Variants in PSMD1 observed in about 807,000 individuals in gnomAD.
PSMD1 encodes the protein 26S proteasome non-ATPase regulatory subunit 1.
A neutral mutation model predicts 119.0 loss-of-function variants in PSMD1; 18 were observed. The ratio of observed to expected loss-of-function variants is 0.15; its 90% CI spans 0.10 to 0.22. The LOEUF (loss-of-function observed/expected upper bound fraction) is 0.22. PSMD1 is among the 10% of genes least tolerant of loss of function. PSMD1 has a pLI of 1.00. For synonymous variants in PSMD1, 374 were observed against 396.6 expected, an observed-to-expected ratio of 0.94 and a Z score of 0.68; for missense variants, 702 against 1,158.5, an observed-to-expected ratio of 0.61 and a Z score of 5.72.
At chr2:231,070,295 A>G in intron 6 of PSMD1, 127 bp downstream of exon 6, 1 of 760,332 alleles carries the variant, frequency 1.3e-6, no homozygotes, top group Non-Finnish European at 1.8e-6. Flanking sequence ...TGATCTTCAC[A>G]GCAGCCCTGT....
chr2:231,139,576 G>A (rs57481522), intron 17 of PSMD1, among the ~76,000 whole-genome samples: 56,174 of 127,122 alleles, frequency 0.44, 14,080 homozygotes, highest in African/African-American at 0.69. Flanking sequence ...AAAAAAAAAA[G>A]AAGAAGAAGA....
At chr2:231,062,475 A>T in intron 3 of PSMD1, 31 bp from the exon 4 acceptor site, 1 of 1,574,802 alleles carries the variant, frequency 6.3e-7, no homozygotes. Flanking sequence ...CCACAGTTTG[A>T]ACTAGACCTG....
rs188949833 is a variant in PSMD1, at chr2:231,171,947, C to T, written c.*10-588C>T. On this transcript the variant is annotated intron_variant, in intron 24 of 24. Transcript: ENST00000308696. Reference sequence around the variant, plus strand: ...AATCTAGCATGCTGTGTGTTAGATACTGACTAGCAATTTAGGAAAGATTTG... The same window carrying T: ...AATCTAGCATGCTGTGTGTTAGATATTGACTAGCAATTTAGGAAAGATTTG... Among the ~76,000 whole-genome samples, 87 of 152,206 alleles carry T rather than the reference C, an allele frequency of 5.7e-4. 2 individuals are homozygous for T. The South Asian group carries it at 0.01, about 18-fold the overall frequency.
intron 16 of PSMD1, among the ~76,000 whole-genome samples, chr2:231,096,068 C>G (rs1018821079): frequency 1.3e-5 from 2 of 152,146 alleles, no homozygotes; most frequent in Non-Finnish European, 2.9e-5. Flanking sequence ...GCAGAGTGAC[C>G]TCAAACCTCT....
intron 18 of PSMD1, among the ~76,000 whole-genome samples, chr2:231,153,308 A>G (rs1035304539): frequency 6.6e-6 from 1 of 152,064 alleles, no homozygotes; most frequent in African/African-American, 2.4e-5. Flanking sequence ...ATCGCATTCA[A>G]CATTCCTTTG....
intron 23 of PSMD1, among the ~76,000 whole-genome samples, chr2:231,169,198 T>G (rs1448758652): frequency 1.3e-5 from 2 of 152,208 alleles, no homozygotes; most frequent in Non-Finnish European, 2.9e-5. Flanking sequence ...GATGAGGCCT[T>G]CCTTTGATTA....
At chr2:231,128,127 C>G (rs977699518) in intron 16 of PSMD1, among the ~76,000 whole-genome samples, 4 of 152,162 alleles carry the variant, frequency 2.6e-5, no homozygotes. Context: ...GTCATAATAC[C>G]TATTAAACAG....
intron 17 of PSMD1, among the ~76,000 whole-genome samples, chr2:231,143,449 C>T (rs1429855357): frequency 2.0e-5 from 3 of 152,154 alleles, no homozygotes; most frequent in Admixed American, 6.5e-5. Context: ...AGGCTGGTCT[C>T]GGACTCCTGA....
At chr2:231,061,338 C>T (rs1360275304) in intron 2 of PSMD1, 28 bp downstream of exon 2, 2 of 1,533,138 alleles carry the variant, frequency 1.3e-6, no homozygotes, top group Non-Finnish European at 1.8e-6. Context: ...AGTAACTAGG[C>T]TTAGTGTGAA....
chr2:231,116,861 T>C (rs1178153543), intron 16 of PSMD1, among the ~76,000 whole-genome samples: 2 of 152,096 alleles, frequency 1.3e-5, no homozygotes, highest in Non-Finnish European at 2.9e-5. Flanking sequence ...ATTCCAAGCC[T>C]TTCTCATTTC....
intron 16 of PSMD1, among the ~76,000 whole-genome samples, chr2:231,121,936 C>A (rs1455033627): frequency 1.3e-5 from 2 of 152,060 alleles, no homozygotes; most frequent in Non-Finnish European, 2.9e-5. Context: ...TACTATTATG[C>A]ACATGGAGAT....
intron 16 of PSMD1, among the ~76,000 whole-genome samples, chr2:231,137,007 A>G (rs1695983685): frequency 6.9e-6 from 1 of 144,880 alleles, no homozygotes; most frequent in Non-Finnish European, 1.5e-5. Context: ...TAAATAATAT[A>G]TATTGTGTTA....
chr2:231,077,147 T>G lies in PSMD1; in HGVS notation c.1056T>G (p.Ile352Met). ...GAAACAATAATACAGACCTCATGATTCTAAAAAACACAAAGGTAAGAAATT... is the reference window on the plus strand; with the variant it reads ...GAAACAATAATACAGACCTCATGATGCTAAAAAACACAAAGGTAAGAAATT... Reference protein sequence around the residue: ...LIRNNNTDLMILKNTKDAVRN... With the variant: ...LIRNNNTDLMMLKNTKDAVRN... Residue 352 changes from isoleucine (I) to methionine (M), a missense_variant, in exon 9 of 25, where the codon ATT (isoleucine) becomes ATG (methionine). Transcript: ENST00000308696. 1 of 1,530,986 alleles carries G rather than the reference T, an allele frequency of 6.5e-7. No homozygotes were observed. The highest frequency in any genetic ancestry group is 8.8e-7 in the Non-Finnish European group (1 of 1,135,050). The allele number at this position is 1,530,986 out of a possible 1,614,324, so 94.8% of individuals were successfully genotyped here.
At chr2:231,145,367 C>CA (rs1439573689) in intron 17 of PSMD1, among the ~76,000 whole-genome samples, 2 of 152,088 alleles carry the variant, frequency 1.3e-5, no homozygotes, top group African/African-American at 4.8e-5. Flanking sequence ...GGGCACTTAA[C>CA]CCTGAATGGA....
At chr2:231,062,814 A>G (rs1184274090) in intron 4 of PSMD1, 139 bp downstream of exon 4, 2 of 712,170 alleles carry the variant, frequency 2.8e-6, no homozygotes, top group African/African-American at 3.7e-5. Flanking sequence ...TAATAATTTT[A>G]TGCAGGCTGA....
At chr2:231,121,750 T>C (rs545933373) in intron 16 of PSMD1, among the ~76,000 whole-genome samples, 1 of 152,210 alleles carries the variant, frequency 6.6e-6, no homozygotes, top group South Asian at 2.1e-4. Context: ...ATATAATAGA[T>C]GTTTGATATT....
intron 17 of PSMD1, among the ~76,000 whole-genome samples, chr2:231,142,810 TC>T (rs1460198409): frequency 1.3e-5 from 2 of 152,182 alleles, no homozygotes; most frequent in Admixed American, 1.3e-4. Context: ...AAAAACATAC[TC>T]CCTGTGCACA....
At position 231,064,947 on chromosome 2, in the gene PSMD1, C is replaced by T. The variant is rs139666949; in HGVS notation, c.305-1959C>T. Among the ~76,000 whole-genome samples, 869 of 151,948 alleles carry T rather than the reference C, an allele frequency of 5.7e-3. 8 individuals carry two copies. The highest frequency in any genetic ancestry group is 0.019 in the African/African-American group (782 of 41,364). On this transcript the variant is annotated intron_variant, in intron 4 of 24. Coordinates refer to ENST00000308696, the MANE Select transcript of PSMD1 (RefSeq NM_002807.4). Reference sequence around the variant, plus strand: ...AAGATTTTGGGATTACAGATGTGAGCCACTGACCCAACCCACTATGTTCTT... The same window carrying T: ...AAGATTTTGGGATTACAGATGTGAGTCACTGACCCAACCCACTATGTTCTT...
chr2:231,086,077 A>G lies in PSMD1; in HGVS notation c.1818+963A>G, dbSNP rs754628943. Among the ~76,000 whole-genome samples, 7 of 150,244 alleles carry G rather than the reference A, an allele frequency of 4.7e-5. 1 individual carries two copies. Among genetic ancestry groups the G allele is most frequent in the African/African-American group, 7.4e-5 (3 of 40,730 alleles). ...CGACTTTGAGACAGGGTTTCGCTCT[A>G]TCATCCAGGCTGGAGCGCAGTAGCA... On this transcript the variant is annotated intron_variant, in intron 15 of 24. Coordinates refer to ENST00000308696, the MANE Select transcript of PSMD1 (RefSeq NM_002807.4).
Sources: allele counts gnomAD v4.1 joint callset (sites outside exome capture counted in the v4.1 genomes callset), GRCh38; gene constraint gnomAD v4.1.1; transcripts MANE v1.5; gene names NCBI Gene and HGNC (gene_info 2026-07-23, HGNC 2026-07-21).